The following LRP1B variants were observed in gnomAD, a reference collection of about 807,000 sequenced individuals.
LRP1B encodes low-density lipoprotein receptor-related protein 1B.
A neutral mutation model predicts 556.6 loss-of-function variants in LRP1B; 217 were observed. The observed-to-expected ratio is 0.39, with a 90% confidence interval of 0.35 to 0.44. The LOEUF (loss-of-function observed/expected upper bound fraction) is 0.44. LRP1B is among the 20% of genes least tolerant of loss of function. The probability of loss-of-function intolerance (pLI) is 1.00; values close to 1 mark genes in which losing one functional copy is unlikely to be tolerated. For synonymous variants in LRP1B, 2,047 were observed against 1,865.8 expected, an observed-to-expected ratio of 1.10 and a Z score of -2.50; for missense variants, 5,053 against 5,620.8, an observed-to-expected ratio of 0.90 and a Z score of 3.23.
intron 47 of LRP1B, among the ~76,000 whole-genome samples, chr2:140,532,187 C>T: frequency 6.6e-6 from 1 of 152,158 alleles, no homozygotes; most frequent in Non-Finnish European, 1.5e-5. Context: ...ACAAACAAAT[C>T]TTATTATTAT....
intron 85 of LRP1B, among the ~76,000 whole-genome samples, chr2:140,272,055 C>T (rs1682483618): frequency 6.6e-6 from 1 of 151,842 alleles, no homozygotes; most frequent in African/African-American, 2.4e-5. Context: ...CCTGTGTTTC[C>T]AATGGATACA....
chr2:141,407,912 T>C (rs1243010693), intron 3 of LRP1B, among the ~76,000 whole-genome samples: 2 of 152,164 alleles, frequency 1.3e-5, no homozygotes, highest in African/African-American at 4.8e-5. Flanking sequence ...ACCTTCATTA[T>C]TGAAAGCATA....
chr2:140,463,541 A>C (rs1687410691), intron 60 of LRP1B, among the ~76,000 whole-genome samples: 1 of 152,222 alleles, frequency 6.6e-6, no homozygotes, highest in Non-Finnish European at 1.5e-5. Flanking sequence ...CACAAATAAA[A>C]CTTAGGCACC....
intron 32 of LRP1B, among the ~76,000 whole-genome samples, chr2:140,779,411 G>A (rs1194283149): frequency 1.3e-5 from 2 of 152,008 alleles, no homozygotes; most frequent in African/African-American, 2.4e-5. Context: ...AGTGTAAGAA[G>A]TGTGGCCGGG....
chr2:140,735,779 T>G (rs1573640992), intron 35 of LRP1B, among the ~76,000 whole-genome samples: 1 of 152,082 alleles, frequency 6.6e-6, no homozygotes, highest in South Asian at 2.1e-4. Flanking sequence ...TGGCTATAAC[T>G]ATGGTTAAAT....
chr2:141,400,457 T>C (rs1690409040), intron 3 of LRP1B, among the ~76,000 whole-genome samples: 2 of 152,216 alleles, frequency 1.3e-5, no homozygotes, highest in Admixed American at 1.3e-4. Flanking sequence ...GTCTGTTCTC[T>C]ATGTAAACTG....
At chr2:141,347,609 T>C (rs551524709) in intron 3 of LRP1B, among the ~76,000 whole-genome samples, 2 of 152,108 alleles carry the variant, frequency 1.3e-5, no homozygotes, top group African/African-American at 4.8e-5. Flanking sequence ...GATTTGAGTA[T>C]TTTAAAATTT....
At chr2:140,246,843 T>C (rs1681187053) in intron 87 of LRP1B, among the ~76,000 whole-genome samples, 1 of 151,586 alleles carries the variant, frequency 6.6e-6, no homozygotes, top group Non-Finnish European at 1.5e-5. Flanking sequence ...GGTTAGCAGA[T>C]GTGCATTCTG....
chr2:140,447,374 T>C (rs1197909727), intron 63 of LRP1B, among the ~76,000 whole-genome samples: 1 of 151,710 alleles, frequency 6.6e-6, no homozygotes, highest in Non-Finnish European at 1.5e-5. Context: ...AAAGCAAATA[T>C]CACGATAAAG....
At chr2:140,825,952 T>C (rs911954054) in intron 31 of LRP1B, among the ~76,000 whole-genome samples, 2 of 152,236 alleles carry the variant, frequency 1.3e-5, no homozygotes, top group South Asian at 2.1e-4. Context: ...GCTGATGTGA[T>C]AACTATCTGC....
intron 2 of LRP1B, among the ~76,000 whole-genome samples, chr2:141,573,276 C>G (rs1019580921): frequency 6.6e-6 from 1 of 152,112 alleles, no homozygotes; most frequent in Non-Finnish European, 1.5e-5. Context: ...AATTCAAATT[C>G]AGAATTAATA....
intron 7 of LRP1B, among the ~76,000 whole-genome samples, chr2:141,103,628 A>G (rs745376613): frequency 2.6e-5 from 4 of 151,144 alleles, no homozygotes; most frequent in African/African-American, 7.3e-5. Context: ...TTCTTTGCCA[A>G]TAGACAACAT....
intron 6 of LRP1B, among the ~76,000 whole-genome samples, chr2:141,225,960 T>G (rs963626471): frequency 1.3e-5 from 2 of 152,246 alleles, no homozygotes; most frequent in Admixed American, 6.5e-5. Context: ...CCAACATTAC[T>G]AATATTCGTA....
At position 140,923,160 on chromosome 2, in the gene LRP1B, T is replaced by G. The variant is rs575535672; in HGVS notation, c.3137-13A>C. ...GGAGAATGAATCTCTTAATTTGAAA[T>G]GAGGAAGAGAGAAGCAGAGGGGGGC... On this transcript the variant is annotated splice_polypyrimidine_tract_variant and intron_variant, in intron 20 of 90. Transcript: ENST00000389484. The G allele has an allele frequency of 5.0e-5, 80 of 1,603,894 alleles. No homozygotes were observed. Among genetic ancestry groups the G allele is most frequent in the Non-Finnish European group, 6.5e-5 (76 of 1,173,450 alleles).
intron 86 of LRP1B, among the ~76,000 whole-genome samples, chr2:140,248,994 AATT>A (rs1436445854): frequency 4.6e-5 from 7 of 151,140 alleles, no homozygotes; most frequent in African/African-American, 7.3e-5. Flanking sequence ...AATTATTTTG[AATT>A]ATTGATTAAA....
At chr2:140,986,280 G>T (rs926570599) in intron 17 of LRP1B, among the ~76,000 whole-genome samples, 1 of 151,820 alleles carries the variant, frequency 6.6e-6, no homozygotes, top group African/African-American at 2.4e-5. Context: ...CATTTCAATT[G>T]TTTCAGTTTT....
intron 84 of LRP1B, among the ~76,000 whole-genome samples, chr2:140,283,384 A>G (rs1298115368): frequency 6.6e-6 from 1 of 151,800 alleles, no homozygotes; most frequent in African/African-American, 2.4e-5. Flanking sequence ...TGCCAATTAA[A>G]TATTCACTGA....
At chr2:141,196,632 T>A (rs1681763094) in intron 6 of LRP1B, among the ~76,000 whole-genome samples, 1 of 152,104 alleles carries the variant, frequency 6.6e-6, no homozygotes. Flanking sequence ...GCTTTTCTTT[T>A]TCTTTCTTAG....
intron 1 of LRP1B, among the ~76,000 whole-genome samples, chr2:141,865,614 A>AG (rs1171557693): frequency 6.6e-6 from 1 of 151,548 alleles, no homozygotes; most frequent in East Asian, 1.9e-4. Flanking sequence ...AAAAGAAAAA[A>AG]AAAAAGAAAA....
Sources: allele counts gnomAD v4.1 joint callset (sites outside exome capture counted in the v4.1 genomes callset), GRCh38; gene constraint gnomAD v4.1.1; transcripts MANE v1.5; gene names NCBI Gene and HGNC (gene_info 2026-07-23, HGNC 2026-07-21).